The following SNX25 variants were observed in gnomAD, a reference collection of about 807,000 sequenced individuals.
SNX25 encodes the protein sorting nexin-25.
Under a neutral mutation model 113.7 loss-of-function variants are expected in SNX25, and 62 were observed. The observed-to-expected ratio is 0.55, with a 90% CI of 0.44 to 0.67. The LOEUF (loss-of-function observed/expected upper bound fraction) is 0.67. SNX25 is among the 30% of genes least tolerant of loss of function. The pLI is 0.00. For missense variants in SNX25, 1,014 were observed against 1,161.0 expected (o/e 0.87, Z 1.84); for synonymous variants, 421 against 436.2 (o/e 0.97, Z 0.43).
intron 5 of SNX25, among the ~76,000 whole-genome samples, chr4:185,274,462 T>C (rs1749382358): frequency 6.6e-6 from 1 of 152,202 alleles, no homozygotes; most frequent in Non-Finnish European, 1.5e-5. Flanking sequence ...AATTTTATTC[T>C]GGGCAGCCTT....
chr4:185,327,007 A>AATT (rs1339801837), intron 9 of SNX25, among the ~76,000 whole-genome samples: 10 of 152,234 alleles, frequency 6.6e-5, no homozygotes, highest in Admixed American at 5.2e-4. Flanking sequence ...AACTTGCTTA[A>AATT]ACCTTCATTT....
intron 12 of SNX25, among the ~76,000 whole-genome samples, chr4:185,342,370 C>G (rs931751198): frequency 6.6e-6 from 1 of 152,170 alleles, no homozygotes; most frequent in African/African-American, 2.4e-5. Flanking sequence ...CTAAGGATCA[C>G]CTAGGTATCT....
chr4:185,291,950 G>A (rs1752230206), intron 6 of SNX25, among the ~76,000 whole-genome samples: 1 of 152,180 alleles, frequency 6.6e-6, no homozygotes, highest in South Asian at 2.1e-4. Context: ...GTAAGTTCAA[G>A]TATAGCATTT....
chr4:185,298,909 G>A lies in SNX25; in HGVS notation c.1162+10827G>A, dbSNP rs59502028. ...ATGGCAGTAGAGAATGTACTCTGGA[G>A]GAAATCTTATCCACCAGAAGTGGGT... On this transcript the variant is annotated intron_variant, in intron 6 of 18. Coordinates refer to ENST00000652585, the MANE Select transcript of SNX25 (RefSeq NM_001378034.2). 8.1e-3 allele frequency among the ~76,000 whole-genome samples: 1,237 copies of A among 152,266 alleles called. 13 individuals carry two copies. The highest frequency in any genetic ancestry group is 0.028 in the African/African-American group (1,179 of 41,552).
In SNX25 at chr4:185,225,599, A is replaced by G. The variant is rs187888577; in HGVS notation, c.429+15344A>G. Among the ~76,000 whole-genome samples the G allele has an allele frequency of 3.1e-3, 465 of 152,334 alleles. 6 individuals carry two copies. Among genetic ancestry groups the G allele is most frequent in the African/African-American group, 0.011 (445 of 41,566 alleles). On this transcript the variant is annotated intron_variant, in intron 1 of 18. Transcript: ENST00000652585. ...TAATCTATGGCTATGAATACAGTGGACAAATAGGTGTATTACAGGAGTTAT... is the reference window on the plus strand; with the variant it reads ...TAATCTATGGCTATGAATACAGTGGGCAAATAGGTGTATTACAGGAGTTAT...
rs1464960939 is a variant in SNX25 at position 185,241,505 on chromosome 4, G to A, written c.430-5789G>A. Among the ~76,000 whole-genome samples the A allele has an allele frequency of 8.3e-5, 8 of 96,426 alleles. 1 individual carries two copies. The highest frequency in any genetic ancestry group is 4.9e-3 in the Middle Eastern group (1 of 204). The allele number at this position is 96,426 out of a possible 152,430, so 63.3% of individuals were successfully genotyped here. ...GGGAGACTGTGGGGAGAGGGAGACC[G>A]TGGGGAGAGGGAGAGGGAGAGGAGG... On this transcript the variant is annotated intron_variant, in intron 1 of 18. Transcript: ENST00000652585.
intron 2 of SNX25, among the ~76,000 whole-genome samples, chr4:185,248,036 A>C (rs73873414): frequency 0.028 from 4,319 of 152,278 alleles, 93 homozygotes; most frequent in Middle Eastern, 0.068. Context: ...ATGATGTTAG[A>C]CGTGAAGTTA....
intron 1 of SNX25, among the ~76,000 whole-genome samples, chr4:185,228,056 G>C (rs1741278604): frequency 1.3e-5 from 2 of 152,172 alleles, no homozygotes; most frequent in African/African-American, 4.8e-5. Context: ...CCGAGGGTGT[G>C]CCCCGGACTT....
chr4:185,251,598 CGTGT>C (rs71593618), intron 2 of SNX25, among the ~76,000 whole-genome samples: 4,839 of 147,192 alleles, frequency 0.033, 109 homozygotes, highest in Middle Eastern at 0.083. Flanking sequence ...TATTCCATTG[CGTGT>C]GTGTGTGTGT....
intron 3 of SNX25, among the ~76,000 whole-genome samples, chr4:185,263,469 G>A (rs1747606079): frequency 6.6e-6 from 1 of 152,112 alleles, no homozygotes; most frequent in Non-Finnish European, 1.5e-5. Context: ...TCATGTTGCT[G>A]GCTTTACACA....
intron 7 of SNX25, among the ~76,000 whole-genome samples, chr4:185,320,452 A>G (rs140555723): frequency 0.036 from 5,525 of 152,138 alleles, 186 homozygotes; most frequent in East Asian, 0.18. Flanking sequence ...CAGGGAGGGG[A>G]ACAACACACA....
chr4:185,320,512 T>G (rs1313144996), intron 7 of SNX25, among the ~76,000 whole-genome samples: 1 of 152,096 alleles, frequency 6.6e-6, no homozygotes, highest in Non-Finnish European at 1.5e-5. Flanking sequence ...AGAGGACTGG[T>G]CAATAGGTAC....
chr4:185,353,423 A>G (rs1002260137), intron 14 of SNX25, 62 bp from the exon 15 acceptor site: 4 of 1,305,478 alleles, frequency 3.1e-6, no homozygotes, highest in African/African-American at 2.9e-5. Flanking sequence ...GAAGAGGGAG[A>G]ACAACTCTAC....
In SNX25 at chr4:185,323,597, G is replaced by C. The variant is rs771301551; in HGVS notation, c.1546G>C (p.Glu516Gln). ...FFVESKEISVEKSLYKEIQQC... is the reference protein window; with the variant it reads ...FFVESKEISVQKSLYKEIQQC... ...TGTGGAGAGCAAAGAAATATCTGTG[G>C]AAAAATCACTTTACAAAGAAATTCA... The change falls in exon 9 of 19, where the codon GAA (glutamate) becomes CAA (glutamine). Residue 516 changes from glutamate (E) to glutamine (Q), a missense_variant. Transcript: ENST00000652585. 3 of 1,613,232 alleles carry C rather than the reference G, an allele frequency of 1.9e-6. No individual in the cohort carries two copies. Among genetic ancestry groups the C allele is most frequent in the Non-Finnish European group, 2.5e-6 (3 of 1,179,458 alleles).
chr4:185,222,693 T>C (rs927860122), intron 1 of SNX25, among the ~76,000 whole-genome samples: 1 of 152,232 alleles, frequency 6.6e-6, no homozygotes, highest in African/African-American at 2.4e-5. Flanking sequence ...TCTGTGTCTT[T>C]AAGGCCTAGT....
At chr4:185,296,258 C>A (rs1330932596) in intron 6 of SNX25, among the ~76,000 whole-genome samples, 1 of 152,114 alleles carries the variant, frequency 6.6e-6, no homozygotes, top group African/African-American at 2.4e-5. Context: ...GGAGGGGACA[C>A]AAACATTCAA....
At chr4:185,231,531 G>A (rs1257863696) in intron 1 of SNX25, among the ~76,000 whole-genome samples, 2 of 151,624 alleles carry the variant, frequency 1.3e-5, no homozygotes, top group East Asian at 2.0e-4. Context: ...CCAACACTGC[G>A]AAACCCCGTC....
intron 13 of SNX25, 31 bp downstream of exon 13, chr4:185,346,681 GA>G (rs2095288484): frequency 7.2e-7 from 1 of 1,387,756 alleles, no homozygotes; most frequent in Non-Finnish European, 9.9e-7. Context: ...GGATATGAGA[GA>G]AAAAATTAGT....
At chr4:185,268,742 G>T (rs1374713503) in intron 5 of SNX25, among the ~76,000 whole-genome samples, 2 of 152,160 alleles carry the variant, frequency 1.3e-5, no homozygotes, top group Non-Finnish European at 2.9e-5. Context: ...ATCTAAGGAG[G>T]CATAGACGTA....
Sources: gnomAD v4.1 joint callset for allele counts (sites outside exome capture counted in the v4.1 genomes callset) on GRCh38, gnomAD v4.1.1 for gene constraint, MANE v1.5 for transcripts, NCBI Gene and HGNC (gene_info 2026-07-23, HGNC 2026-07-21) for gene names.